SKAP2: variants seen among roughly 807,000 people sequenced by gnomAD.
SKAP2 encodes the protein src kinase associated phosphoprotein 2.
Under a neutral mutation model 54.9 loss-of-function variants are expected in SKAP2, and 28 were observed. The observed-to-expected ratio is 0.51, with a 90% confidence interval of 0.38 to 0.70. SKAP2 has a LOEUF of 0.70. SKAP2 is among the 30% of genes least tolerant of loss of function. The pLI is 0.00. For missense variants in SKAP2, 356 were observed against 424.1 expected, an observed-to-expected ratio of 0.84 and a Z score of 1.41; for synonymous variants, 137 against 134.3, an observed-to-expected ratio of 1.02 and a Z score of -0.14.
chr7:26,759,650 C>T (rs1480467152), intron 4 of SKAP2, among the ~76,000 whole-genome samples: 1 of 152,186 alleles, frequency 6.6e-6, no homozygotes, highest in African/African-American at 2.4e-5. Context: ...CAAACAGACT[C>T]ACCACTATCC....
intron 3 of SKAP2, among the ~76,000 whole-genome samples, chr7:26,851,485 G>A (rs2030133): frequency 0.21 from 32,186 of 151,476 alleles, 3,482 homozygotes; most frequent in Non-Finnish European, 0.24. Flanking sequence ...CAAACACCGC[G>A]TGTTCTCACT....
At chr7:26,704,091 C>T (rs928796650) in intron 9 of SKAP2, among the ~76,000 whole-genome samples, 2 of 152,162 alleles carry the variant, frequency 1.3e-5, no homozygotes, top group African/African-American at 2.4e-5. Context: ...ATTTTTAACA[C>T]TCTTCAATGA....
chr7:26,859,043 G>C (rs1412033498), intron 1 of SKAP2, among the ~76,000 whole-genome samples: 1 of 152,076 alleles, frequency 6.6e-6, no homozygotes, highest in Non-Finnish European at 1.5e-5. Flanking sequence ...TGGGGGAGGG[G>C]GAGGGCGCAA....
At chr7:26,819,619 CA>C (rs1322697833) in intron 4 of SKAP2, among the ~76,000 whole-genome samples, 1 of 151,388 alleles carries the variant, frequency 6.6e-6, no homozygotes, top group African/African-American at 2.4e-5. Flanking sequence ...TCAGTGTTCA[CA>C]AGACAAAAAC....
At chr7:26,834,365 G>C (rs1562629126) in intron 4 of SKAP2, among the ~76,000 whole-genome samples, 1 of 152,062 alleles carries the variant, frequency 6.6e-6, no homozygotes, top group Non-Finnish European at 1.5e-5. Context: ...GAAGGAGATA[G>C]AGACACAAAA....
intron 9 of SKAP2, among the ~76,000 whole-genome samples, chr7:26,717,049 C>T (rs970505142): frequency 6.6e-6 from 1 of 152,138 alleles, no homozygotes; most frequent in African/African-American, 2.4e-5. Flanking sequence ...ATATAACGGG[C>T]AGAGCTGGGA....
intron 3 of SKAP2, among the ~76,000 whole-genome samples, chr7:26,850,596 GAAA>G (rs970099094): frequency 1.0e-4 from 15 of 143,482 alleles, no homozygotes; most frequent in African/African-American, 3.6e-4. Flanking sequence ...AAAAAAAAAA[GAAA>G]AAAAAAGGAA....
chr7:26,843,312 T>C (rs1012955306), intron 4 of SKAP2, among the ~76,000 whole-genome samples: 3 of 152,064 alleles, frequency 2.0e-5, no homozygotes, highest in African/African-American at 7.2e-5. Flanking sequence ...TTGATACACA[T>C]TCTTAATTTA....
chr7:26,738,685 C>A, intron 6 of SKAP2, 110 bp downstream of exon 6: 5 of 623,098 alleles, frequency 8.0e-6, no homozygotes, highest in South Asian at 4.1e-5. Context: ...TGTTATAATT[C>A]TCAGTTATTA....
At chr7:26,659,675 A>G in the SKAP2 span, among the ~76,000 whole-genome samples, 11 of 152,142 alleles carry the variant, frequency 7.2e-5, no homozygotes, top group Non-Finnish European at 1.5e-4. Context: ...ATTAGGATTC[A>G]AAGAAACAAC....
At chr7:26,828,132 C>T (rs921371668) in intron 4 of SKAP2, among the ~76,000 whole-genome samples, 7 of 152,058 alleles carry the variant, frequency 4.6e-5, no homozygotes, top group African/African-American at 1.4e-4. Context: ...CAAAGCCTGG[C>T]CCCGGAGAAC....
At chr7:26,693,004 T>C (rs529320543) in intron 9 of SKAP2, among the ~76,000 whole-genome samples, 3 of 152,282 alleles carry the variant, frequency 2.0e-5, no homozygotes, top group South Asian at 2.1e-4. Context: ...TATAACCGCA[T>C]CAATACAATA....
chr7:26,778,159 T>C (rs1026354931), intron 4 of SKAP2, among the ~76,000 whole-genome samples: 2 of 151,982 alleles, frequency 1.3e-5, no homozygotes, highest in African/African-American at 2.4e-5. Context: ...AAAATCATTA[T>C]TGGTATATAC....
At chr7:26,840,481 T>C (rs1216363477) in intron 4 of SKAP2, among the ~76,000 whole-genome samples, 1 of 152,100 alleles carries the variant, frequency 6.6e-6, no homozygotes, top group Non-Finnish European at 1.5e-5. Context: ...AGTAATTATA[T>C]GGTGTCTAAA....
intron 9 of SKAP2, among the ~76,000 whole-genome samples, chr7:26,711,388 T>G (rs1387220134): frequency 6.6e-6 from 1 of 152,208 alleles, no homozygotes; most frequent in African/African-American, 2.4e-5. Flanking sequence ...ACCCTATACC[T>G]TGCAGATAGT....
chr7:26,755,214 G>A (rs1400894649), intron 4 of SKAP2, among the ~76,000 whole-genome samples: 2 of 151,162 alleles, frequency 1.3e-5, no homozygotes, highest in Non-Finnish European at 2.9e-5. Flanking sequence ...AAGACTCATG[G>A]TTCTAATGTA....
chr7:26,724,254 A>G (rs1313206208), intron 9 of SKAP2, among the ~76,000 whole-genome samples: 1 of 152,176 alleles, frequency 6.6e-6, no homozygotes, highest in African/African-American at 2.4e-5. Flanking sequence ...AATTCACCAG[A>G]TACAATAATA....
chr7:26,831,513 G>A (rs1234167009), intron 4 of SKAP2, among the ~76,000 whole-genome samples: 2 of 152,000 alleles, frequency 1.3e-5, no homozygotes, highest in African/African-American at 4.8e-5. Flanking sequence ...AACACAAAAA[G>A]GAAAATTTAT....
intron 4 of SKAP2, among the ~76,000 whole-genome samples, chr7:26,843,756 A>T (rs988564415): frequency 2.0e-5 from 3 of 152,152 alleles, no homozygotes; most frequent in Non-Finnish European, 2.9e-5. Context: ...ATATTAAATT[A>T]ACTATCAAAC....
Sources: gnomAD v4.1 joint callset for allele counts (sites outside exome capture counted in the v4.1 genomes callset) on GRCh38, gnomAD v4.1.1 for gene constraint, MANE v1.5 for transcripts, NCBI Gene and HGNC (gene_info 2026-07-23, HGNC 2026-07-21) for gene names.